Variants in MACF1 observed in about 807,000 individuals in gnomAD.
The protein encoded by MACF1 is microtubule actin crosslinking factor 1.
A neutral mutation model predicts 854.8 loss-of-function variants in MACF1; 193 were observed. The ratio of observed to expected loss-of-function variants is 0.23; its 90% CI spans 0.20 to 0.25. The LOEUF (loss-of-function observed/expected upper bound fraction) is 0.25. MACF1 is among the 10% of genes least tolerant of loss of function. MACF1 has a pLI of 1.00. For missense variants in MACF1, 7,722 were observed against 8,929.1 expected (o/e 0.86, Z 5.45); for synonymous variants, 3,185 against 3,226.7 (o/e 0.99, Z 0.44).
chr1:39,120,960 G>A (rs1326565120), intron 2 of MACF1: 3 of 152,298 alleles, frequency 2.0e-5, no homozygotes, highest in African/African-American at 4.8e-5. Flanking sequence ...AACACTTCAC[G>A]AATTTGTGTG....
chr1:39,187,993 C>A (rs1644200525), intron 2 of MACF1, among the ~76,000 whole-genome samples: 1 of 147,048 alleles, frequency 6.8e-6, no homozygotes, highest in Non-Finnish European at 1.5e-5. Flanking sequence ...CTCCCCTCCC[C>A]TCCCCTTCCC....
At chr1:39,456,788 A>T (rs185055896) in intron 89 of MACF1, 1 of 151,568 alleles carries the variant, frequency 6.6e-6, no homozygotes, top group Non-Finnish European at 1.5e-5. Context: ...CTTTTTTCCC[A>T]TCACTCCCCA....
rs767521548 is a variant in MACF1, at chr1:39,410,954, A to G, written c.15817-11420A>G. 12 of 1,613,908 alleles carry G rather than the reference A, an allele frequency of 7.4e-6. No individual in the cohort carries two copies. The South Asian group carries it at 1.3e-4, about 18-fold the overall frequency. ...CAGCAGCACAGTGCAAACCCTCCTCATGAATTCCAGCCTGTAGAATCAGAA... is the reference window on the plus strand; with the variant it reads ...CAGCAGCACAGTGCAAACCCTCCTCGTGAATTCCAGCCTGTAGAATCAGAA... On this transcript the variant is annotated intron_variant, in intron 58 of 100. Transcript: ENST00000564288.
At chr1:39,087,284 A>C (rs1160669498) in intron 2 of MACF1, among the ~76,000 whole-genome samples, 1 of 152,192 alleles carries the variant, frequency 6.6e-6, no homozygotes. Flanking sequence ...GGGGTGTCTG[A>C]ATCACTCTCA....
chr1:39,436,536 GA>G, intron 70 of MACF1: 1 of 1,571,678 alleles, frequency 6.4e-7, no homozygotes, highest in Non-Finnish European at 8.8e-7. Context: ...TTATAATGCT[GA>G]AAATTGAGGT....
Position 39,437,925 on chromosome 1 carries a change from A to T in MACF1, c.18137A>T (p.Gln6046Leu). 2 of 1,614,162 alleles carry T rather than the reference A, an allele frequency of 1.2e-6. No homozygotes were observed. The highest frequency in any genetic ancestry group is 1.7e-6 in the Non-Finnish European group (2 of 1,180,028). The change falls in exon 71 of 101, where the codon CAG becomes CTG. Residue 6046 changes from glutamine (Q) to leucine (L), a missense_variant. Physicochemically the swap from Gln to Leu is moderately radical, Grantham distance 113 (BLOSUM62 -2). Transcript: ENST00000564288. ...GCCACCGTGGAGCTAGAAAAACTGC[A>T]GCCATCCTTTGAGGCCTTGAAGCGC... is the stretch of plus-strand genomic sequence containing the variant. ...KSATVELEKL[Q>L]PSFEALKRRG... is the part of the protein sequence containing the mutation.
At chr1:39,103,115 G>T (rs1219351093) in intron 2 of MACF1, 2 of 523,312 alleles carry the variant, frequency 3.8e-6, no homozygotes, top group African/African-American at 1.9e-5. Context: ...ACCTAAAGCA[G>T]AAGTTTCTTC....
In MACF1 at chr1:39,112,244, G is replaced by C. The variant is rs545351457; in HGVS notation, c.220+27806G>C. ...TGGGATTACAGATACATGCCACCAC[G>C]CCCAGCTAATTTTTGTATTTTTTAA... is the stretch of plus-strand genomic sequence containing the variant. On this transcript the variant is annotated intron_variant, in intron 2 of 93. Coordinates refer to the MACF1 transcript ENST00000361689. Among the ~76,000 whole-genome samples, 49 of 151,762 alleles carry C rather than the reference G, an allele frequency of 3.2e-4. 1 individual carries two copies. The Middle Eastern group carries it at 0.014, about 42-fold the overall frequency.
At chr1:39,322,807 T>C in intron 32 of MACF1, 92 bp downstream of exon 32, 1 of 1,516,888 alleles carries the variant, frequency 6.6e-7, no homozygotes, top group Non-Finnish European at 9.2e-7. Flanking sequence ...GGGCTCACTT[T>C]TCTGGTGAAC....
intron 2 of MACF1, among the ~76,000 whole-genome samples, chr1:39,131,153 T>TC (rs930380384): frequency 8.1e-6 from 1 of 123,606 alleles, no homozygotes; most frequent in Non-Finnish European, 1.7e-5. Flanking sequence ...CGCCCGGCCT[T>TC]TTTTTTTTTT....
intron 2 of MACF1, among the ~76,000 whole-genome samples, chr1:39,176,244 C>T (rs1323247367): frequency 6.7e-6 from 1 of 149,910 alleles, no homozygotes; most frequent in East Asian, 2.0e-4. Flanking sequence ...CACCTCTGCA[C>T]TCCAGTCTGA....
At chr1:39,142,695 C>T (rs1571093854) in intron 2 of MACF1, among the ~76,000 whole-genome samples, 1 of 152,200 alleles carries the variant, frequency 6.6e-6, no homozygotes, top group Non-Finnish European at 1.5e-5. Flanking sequence ...AGGGACACCT[C>T]ATTAGCTATC....
At position 39,179,160 on chromosome 1, in the gene MACF1, C is replaced by T. The variant is rs145304832; in HGVS notation, c.221-52022C>T. On this transcript the variant is annotated intron_variant, in intron 2 of 93. Transcript: ENST00000361689. ...TGCCCTTATTCAATTTCATTTTTAG[C>T]TGCAAGGTGAACTCCCCCACACACT... 1.6e-4 allele frequency among the ~76,000 whole-genome samples: 25 copies of T among 152,336 alleles called. No individual in the cohort carries two copies. The East Asian group carries it at 4.8e-3, about 29-fold the overall frequency.
chr1:39,357,929 A>G (rs772105912), intron 45 of MACF1, 36 bp downstream of exon 45: 50 of 1,570,892 alleles, frequency 3.2e-5, no homozygotes, highest in South Asian at 6.1e-5. Flanking sequence ...TGGTGAAACA[A>G]TCATGGCAGC....
chr1:39,360,104 CAT>C (rs1431925794), intron 47 of MACF1, among the ~76,000 whole-genome samples: 30 of 134,284 alleles, frequency 2.2e-4, no homozygotes, highest in South Asian at 1.2e-3. Context: ...CACACACACA[CAT>C]ATATATCGTA....
chr1:39,484,209 T>C (rs1446688164), intron 99 of MACF1, among the ~76,000 whole-genome samples: 2 of 152,222 alleles, frequency 1.3e-5, no homozygotes, highest in African/African-American at 4.8e-5. Context: ...ATCAAATAGG[T>C]GGGCTAAAAC....
intron 6 of MACF1, among the ~76,000 whole-genome samples, chr1:39,274,239 AAAAT>A (rs1175058450): frequency 1.5e-4 from 23 of 151,892 alleles, no homozygotes; most frequent in South Asian, 4.1e-4. Context: ...ATGAAATTAA[AAAAT>A]AAAATTGTAT....
chr1:39,107,253 G>C (rs1233937483), intron 2 of MACF1, among the ~76,000 whole-genome samples: 1 of 152,084 alleles, frequency 6.6e-6, no homozygotes, highest in Non-Finnish European at 1.5e-5. Context: ...CGGAAAGGAA[G>C]TTGGACTCCT....
rs758879396 is a variant in MACF1 at position 39,335,936 on chromosome 1, A to G, written c.9348A>G (p.Glu3116=). Residue 3116 remains glutamate (E), a synonymous_variant, in exon 37 of 101, where the codon GAA becomes GAG. Transcript: ENST00000564288. The part of the protein sequence containing the change: ...TPRPEGLHYQ[E]SDGKAQVTGP... The stretch of plus-strand genomic sequence containing the variant: ...GACCTGAAGGATTGCACTACCAGGA[A>G]TCAGATGGAAAAGCCCAAGTGACAG... 6.2e-7 allele frequency: 1 copy of G among 1,614,194 alleles called. No individual in the cohort carries two copies. Among genetic ancestry groups the G allele is most frequent in the African/African-American group, 1.3e-5 (1 of 75,052 alleles).
Sources: allele counts gnomAD v4.1 joint callset (sites outside exome capture counted in the v4.1 genomes callset), GRCh38; gene constraint gnomAD v4.1.1; transcripts MANE v1.5; gene names NCBI Gene and HGNC (gene_info 2026-07-23, HGNC 2026-07-21).